Variants in ZMYM4 observed in about 807,000 individuals in gnomAD.
ZMYM4 encodes zinc finger MYM-type containing 4.
Under a neutral mutation model 183.2 loss-of-function variants are expected in ZMYM4, and 31 were observed. The ratio of observed to expected loss-of-function variants is 0.17; its 90% CI spans 0.13 to 0.23. ZMYM4 has a LOEUF of 0.23. Ranked by LOEUF, ZMYM4 falls within the 10% of genes least tolerant of loss-of-function variation. ZMYM4 has a pLI of 1.00. For synonymous variants in ZMYM4, 592 were observed against 631.2 expected, an observed-to-expected ratio of 0.94 and a Z score of 0.93; for missense variants, 1,273 against 1,840.3, an observed-to-expected ratio of 0.69 and a Z score of 5.64.
At chr1:35,291,188 C>T (rs1640742998) in intron 1 of ZMYM4, among the ~76,000 whole-genome samples, 1 of 152,038 alleles carries the variant, frequency 6.6e-6, no homozygotes, top group Non-Finnish European at 1.5e-5. Context: ...TGTATGTCTT[C>T]TTATATTGTG....
intron 2 of ZMYM4, among the ~76,000 whole-genome samples, chr1:35,346,628 G>A (rs1329900412): frequency 5.2e-5 from 7 of 134,766 alleles, no homozygotes; most frequent in African/African-American, 1.9e-4. Context: ...TCCAGCCTGG[G>A]TCACAAAGTG....
At chr1:35,370,727 C>CTTTTTTTTTTTTTT (rs3066096) in intron 7 of ZMYM4, 100 bp downstream of exon 7, 1 of 263,506 alleles carries the variant, frequency 3.8e-6, no homozygotes, top group Non-Finnish European at 5.3e-6. Context: ...ACATTTATTC[C>CTTTTTTTTTTTTTT]TTTTTTTTTT....
At chr1:35,298,259 T>C (rs1641114545) in intron 1 of ZMYM4, among the ~76,000 whole-genome samples, 1 of 152,136 alleles carries the variant, frequency 6.6e-6, no homozygotes, top group African/African-American at 2.4e-5. Flanking sequence ...AATAAAAATA[T>C]TAGCTGGACA....
At chr1:35,350,648 G>A (rs1643571100) in intron 2 of ZMYM4, 1 of 212,412 alleles carries the variant, frequency 4.7e-6, no homozygotes, top group East Asian at 1.2e-4. Context: ...ACAAAAATGT[G>A]CCCTTCCCAC....
At chr1:35,418,646 A>G in intron 29 of ZMYM4, 74 bp downstream of exon 29, 1 of 1,574,772 alleles carries the variant, frequency 6.4e-7, no homozygotes, top group Admixed American at 1.9e-5. Context: ...ATGCTTGAAC[A>G]TCAGAAAAGT....
intron 1 of ZMYM4, chr1:35,310,492 C>T (rs1641743553): frequency 6.5e-6 from 1 of 153,836 alleles, no homozygotes; most frequent in Non-Finnish European, 1.4e-5. Context: ...TTTTACTACT[C>T]ACTGTATTTA....
At chr1:35,334,345 C>T (rs1642886796) in intron 2 of ZMYM4, among the ~76,000 whole-genome samples, 1 of 151,994 alleles carries the variant, frequency 6.6e-6, no homozygotes, top group African/African-American at 2.4e-5. Context: ...ACTTTAATAC[C>T]TCACATTTCC....
chr1:35,320,039 G>GTGTGATA, intron 1 of ZMYM4, among the ~76,000 whole-genome samples: 1 of 152,180 alleles, frequency 6.6e-6, no homozygotes, highest in Non-Finnish European at 1.5e-5. Context: ...ATATCTTTGG[G>GTGTGATA]CTAGTGTGAT....
At chr1:35,350,699 G>A (rs1643572622) in intron 2 of ZMYM4, 3 of 364,054 alleles carry the variant, frequency 8.2e-6, no homozygotes, top group South Asian at 5.7e-5. Flanking sequence ...TCCAGCTGCA[G>A]ACAAAGATCT....
intron 26 of ZMYM4, among the ~76,000 whole-genome samples, chr1:35,410,521 C>T (rs1639843277): frequency 6.6e-6 from 1 of 151,724 alleles, no homozygotes; most frequent in African/African-American, 2.4e-5. Context: ...TGGAGTCTCG[C>T]TCTGTCGCCC....
chr1:35,391,730 C>T (rs1210954672), intron 15 of ZMYM4, among the ~76,000 whole-genome samples: 1 of 152,186 alleles, frequency 6.6e-6, no homozygotes, highest in East Asian at 1.9e-4. Flanking sequence ...TAATAGAAAA[C>T]TTTCAAGTTT....
chr1:35,323,744 G>A (rs774549093), intron 1 of ZMYM4, among the ~76,000 whole-genome samples: 12 of 151,838 alleles, frequency 7.9e-5, no homozygotes, highest in South Asian at 2.1e-4. Flanking sequence ...TAGTAGAGAC[G>A]GGGTTTCACC....
At chr1:35,407,196 G>A (rs1329257428) in intron 25 of ZMYM4, among the ~76,000 whole-genome samples, 1 of 152,148 alleles carries the variant, frequency 6.6e-6, no homozygotes, top group Non-Finnish European at 1.5e-5. Flanking sequence ...CACTTTGGGA[G>A]GCCGAGGCGG....
chr1:35,384,470 T>G (rs777392333), intron 9 of ZMYM4, among the ~76,000 whole-genome samples: 1 of 152,234 alleles, frequency 6.6e-6, no homozygotes, highest in Non-Finnish European at 1.5e-5. Flanking sequence ...GTGTGACATG[T>G]TAATAATACT....
In ZMYM4 at chr1:35,389,067, A is replaced by G. The variant is rs768134105; in HGVS notation, c.2421A>G (p.Thr807=). ...GTGAAGAATGCATGTCCAAATATAC[A>G]GTTTTGTTCTATCAGGTAAATAGAA... ...FCCEECMSKY[T]VLFYQMAKCD... Residue 807 remains threonine, a synonymous_variant, in exon 14 of 30, where the codon ACA becomes ACG. Transcript: ENST00000314607. This position sits in a 1 kb window ranked among gnomAD's most constrained non-coding sequence, Gnocchi z 4.0. 1.7e-5 allele frequency: 28 copies of G among 1,613,274 alleles called. No homozygotes were observed. The Middle Eastern group carries it at 6.8e-4, about 39-fold the overall frequency.
intron 1 of ZMYM4, among the ~76,000 whole-genome samples, chr1:35,277,895 T>G (rs772203636): frequency 2.6e-5 from 4 of 152,170 alleles, no homozygotes; most frequent in Non-Finnish European, 5.9e-5. Flanking sequence ...TAATTTATCA[T>G]AGTCATTATT....
Position 35,268,820 on chromosome 1 carries a change from C to T in ZMYM4, c.-227C>T. 1 of 383,576 alleles carries T rather than the reference C, an allele frequency of 2.6e-6. No homozygotes were observed. Among genetic ancestry groups the T allele is most frequent in the Non-Finnish European group, 4.5e-6 (1 of 221,932 alleles). The allele number at this position is 383,576 out of a possible 1,614,324, so 23.8% of individuals were successfully genotyped here. A position where few individuals can be genotyped will look rare whatever the true frequency, so the allele number is the denominator to read the frequency against. Reference sequence around the variant, plus strand: ...TAACCCCCCGAGTCCCGGCCCCCACCCCGTCCCCGGGCAGGCCCTCCCGCC... The same window carrying T: ...TAACCCCCCGAGTCCCGGCCCCCACTCCGTCCCCGGGCAGGCCCTCCCGCC... On this transcript the variant is annotated 5_prime_UTR_variant, in exon 1 of 30. Coordinates refer to ENST00000314607, the MANE Select transcript of ZMYM4 (RefSeq NM_005095.3).
At chr1:35,310,494 CTG>C (rs1273154414) in intron 1 of ZMYM4, 6 of 153,742 alleles carry the variant, frequency 3.9e-5, no homozygotes, top group African/African-American at 1.2e-4. Flanking sequence ...TTACTACTCA[CTG>C]TATTTATTTA....
intron 1 of ZMYM4, among the ~76,000 whole-genome samples, chr1:35,298,664 C>T (rs893559291): frequency 6.6e-6 from 1 of 152,070 alleles, no homozygotes; most frequent in Non-Finnish European, 1.5e-5. Context: ...CTGGAGCAAG[C>T]CGGCTAGAGA....
Sources: gnomAD v4.1 joint callset for allele counts (sites outside exome capture counted in the v4.1 genomes callset) on GRCh38, gnomAD v4.1.1 for gene constraint, Gnocchi (gnomAD v3.1) non-coding constraint, MANE v1.5 for transcripts, NCBI Gene and HGNC (gene_info 2026-07-23, HGNC 2026-07-21) for gene names.